SUMO2: variants seen among roughly 807,000 people sequenced by gnomAD.
SUMO2 encodes small ubiquitin like modifier 2.
Under a neutral mutation model 16.0 loss-of-function variants are expected in SUMO2, and 1 was observed. The ratio of observed to expected loss-of-function variants is 0.06; its 90% CI spans 0.02 to 0.30. The LOEUF (loss-of-function observed/expected upper bound fraction) is 0.30, where lower values mean the gene tolerates loss of function less well. SUMO2 is among the 10% of genes least tolerant of loss of function. The probability of loss-of-function intolerance (pLI) is 1.00; values close to 1 mark genes in which losing one functional copy is unlikely to be tolerated. For synonymous variants in SUMO2, 36 were observed against 40.6 expected (o/e 0.89, Z 0.43); for missense variants, 16 against 117.5 (o/e 0.14, Z 3.99).
chr17:75,175,034 T>C (rs2074771059), intron 2 of SUMO2, among the ~76,000 whole-genome samples: 1 of 152,180 alleles, frequency 6.6e-6, no homozygotes, highest in South Asian at 2.1e-4. Flanking sequence ...AAGGCTGAAG[T>C]GCAGTGGCGT....
At chr17:75,179,878 G>A (rs1193164023) in intron 2 of SUMO2, among the ~76,000 whole-genome samples, 2 of 151,984 alleles carry the variant, frequency 1.3e-5, no homozygotes, top group African/African-American at 2.4e-5. Context: ...CCAGGCTGAT[G>A]TCAACTGCCA....
rs1419011228 is a variant in SUMO2, at chr17:75,168,216, G to A, written c.*123C>T. On this transcript the variant is annotated 3_prime_UTR_variant, in exon 4 of 4. Transcript: ENST00000420826. ...AGGAATGGGGAAGGGGGAAATGAAA[G>A]AATAGAGAAAACTATACGGTAGTAG... 2 of 694,906 alleles carry A rather than the reference G, an allele frequency of 2.9e-6. No homozygotes were observed. Among genetic ancestry groups the A allele is most frequent in the African/African-American group, 1.9e-5 (1 of 53,722 alleles). The allele number at this position is 694,906 out of a possible 1,614,324, so 43.0% of individuals were successfully genotyped here.
intron 2 of SUMO2, among the ~76,000 whole-genome samples, chr17:75,180,407 A>AC (rs2074818562): frequency 1.4e-5 from 2 of 145,142 alleles, no homozygotes; most frequent in East Asian, 2.0e-4. Context: ...AAAAAAAAAA[A>AC]AAAAAAAAAA....
chr17:75,171,449 G>A (rs1459528890), intron 3 of SUMO2, among the ~76,000 whole-genome samples: 1 of 151,844 alleles, frequency 6.6e-6, no homozygotes, highest in Non-Finnish European at 1.5e-5. Flanking sequence ...AGGAAGCAGA[G>A]GTTGCAGTGA....
chr17:75,172,652 T>C (rs1274448387), intron 3 of SUMO2, among the ~76,000 whole-genome samples: 1 of 151,962 alleles, frequency 6.6e-6, no homozygotes, highest in Admixed American at 6.6e-5. Context: ...ATTTTGTATT[T>C]TTAGTAGAGA....
intron 2 of SUMO2, among the ~76,000 whole-genome samples, chr17:75,176,091 A>C (rs2074780562): frequency 6.6e-6 from 1 of 151,526 alleles, no homozygotes. Flanking sequence ...CCCAGGCTGG[A>C]GTGAGTGGAA....
rs1471955139 is a variant in SUMO2 at position 75,180,952 on chromosome 17, C to G, written c.153+105G>C. Reference sequence around the variant, plus strand: ...CTGACGTGCCAAGTGCATATTCATCCCATCAAAAAGTCACTGTAATGTGCT... The same window carrying G: ...CTGACGTGCCAAGTGCATATTCATCGCATCAAAAAGTCACTGTAATGTGCT... On this transcript the variant is annotated intron_variant, in intron 2 of 3. Transcript: ENST00000420826. The G allele has an allele frequency of 3.7e-6, 5 of 1,341,092 alleles. No individual in the cohort carries two copies. In the Admixed American group the frequency reaches 6.1e-5, roughly 16 times the overall value. 83.1% of individuals were successfully genotyped at this position (1,341,092 alleles called of 1,614,324 possible). A position where few individuals can be genotyped will look rare whatever the true frequency, so the allele number is the denominator to read the frequency against.
intron 1 of SUMO2, among the ~76,000 whole-genome samples, chr17:75,181,838 T>A (rs1005620523): frequency 6.6e-6 from 1 of 151,816 alleles, no homozygotes; most frequent in African/African-American, 2.4e-5. Context: ...CCTCCCCCCC[T>A]TTGTTGTCAT....
At chr17:75,173,925 T>C (rs535521187) in intron 3 of SUMO2, among the ~76,000 whole-genome samples, 1 of 152,298 alleles carries the variant, frequency 6.6e-6, no homozygotes, top group African/African-American at 2.4e-5. Flanking sequence ...CATAAAGAGT[T>C]AAAGGATCAG....
rs919006200 is a variant in SUMO2 at position 75,179,338 on chromosome 17, G to C, written c.153+1719C>G. On this transcript the variant is annotated intron_variant, in intron 2 of 3. Coordinates refer to ENST00000420826, the MANE Select transcript of SUMO2 (RefSeq NM_006937.4). ...GAGGTCAGGAGCTCAAGACCAGTCT[G>C]ACCAATATGGTGAAACCCCATCTTG... Among the ~76,000 whole-genome samples the C allele has an allele frequency of 3.9e-5, 6 of 152,146 alleles. No homozygotes were observed. The South Asian group carries it at 6.2e-4, about 16-fold the overall frequency.
At chr17:75,174,626 C>T in intron 3 of SUMO2, 126 bp downstream of exon 3, 1 of 741,252 alleles carries the variant, frequency 1.3e-6, no homozygotes, top group Non-Finnish European at 2.2e-6. Context: ...CCCCTCTGGT[C>T]ATACTTCCCA....
chr17:75,177,171 CAAAAA>C lies in SUMO2; in HGVS notation c.154-2353_154-2349del, dbSNP rs55817377. 4.6e-3 allele frequency among the ~76,000 whole-genome samples: 512 copies of C among 111,644 alleles called. 2 individuals carry two copies. Among genetic ancestry groups the C allele is most frequent in the African/African-American group, 0.015 (482 of 32,546 alleles). 73.2% of individuals were successfully genotyped at this position (111,644 alleles called of 152,430 possible). A position where few individuals can be genotyped will look rare whatever the true frequency, so the allele number is the denominator to read the frequency against. On this transcript the variant is annotated intron_variant, in intron 2 of 3. Coordinates refer to ENST00000420826, the MANE Select transcript of SUMO2 (RefSeq NM_006937.4). ...CATTGCAAGAGCGAGACTCTTGTCT[CAAAAA>C]AAAAAAAAAATTAATTAATTAAATA...
At chr17:75,174,511 AAC>A (rs1399713227) in intron 3 of SUMO2, among the ~76,000 whole-genome samples, 2 of 152,258 alleles carry the variant, frequency 1.3e-5, no homozygotes, top group Non-Finnish European at 2.9e-5. Context: ...CAACCCGGGC[AAC>A]AGAGAGGCCC....
At chr17:75,180,051 T>A (rs1375148575) in intron 2 of SUMO2, among the ~76,000 whole-genome samples, 1 of 152,012 alleles carries the variant, frequency 6.6e-6, no homozygotes, top group Non-Finnish European at 1.5e-5. Context: ...TTTAGAACAA[T>A]CTGAAGGGGC....
rs2074694186 is a variant in SUMO2 at position 75,166,499 on chromosome 17, T to G, written c.*1840A>C. The G allele has an allele frequency of 6.8e-6, 1 of 146,144 alleles. No homozygotes were observed. Among genetic ancestry groups the G allele is most frequent in the African/African-American group, 2.5e-5 (1 of 39,344 alleles). 9.1% of individuals were successfully genotyped at this position (146,144 alleles called of 1,614,324 possible). ...TCAAAAATAAACATTTTTAAAAAATTAAAAAGGGGCTGGGCATAGTGGCTC... is the reference window on the plus strand; with the variant it reads ...TCAAAAATAAACATTTTTAAAAAATGAAAAAGGGGCTGGGCATAGTGGCTC... On this transcript the variant is annotated 3_prime_UTR_variant, in exon 4 of 4. Transcript: ENST00000420826.
At chr17:75,176,275 T>A (rs532739862) in intron 2 of SUMO2, among the ~76,000 whole-genome samples, 3 of 152,162 alleles carry the variant, frequency 2.0e-5, no homozygotes, top group South Asian at 2.1e-4. Context: ...CCTGACCTCG[T>A]GATCCGCCTG....
chr17:75,182,255 C>T (rs2074834912), intron 1 of SUMO2: 1 of 152,364 alleles, frequency 6.6e-6, no homozygotes, highest in African/African-American at 2.4e-5. Flanking sequence ...CCCCCTACCC[C>T]CAGGCCCAGG....
Position 75,173,176 on chromosome 17 carries a change from A to G in SUMO2, c.225+1576T>C, listed in dbSNP as rs141994247. On this transcript the variant is annotated intron_variant, in intron 3 of 3. Coordinates refer to ENST00000420826, the MANE Select transcript of SUMO2 (RefSeq NM_006937.4). ...ATGTTTCAGAAACTGTAAGTCTTCT[A>G]TTTTTGAGACAGAGTTTTGCTCTAT... is the stretch of plus-strand genomic sequence containing the variant. Among the ~76,000 whole-genome samples the G allele has an allele frequency of 4.3e-3, 655 of 152,226 alleles. 3 individuals carry two copies. The highest frequency in any genetic ancestry group is 0.015 in the African/African-American group (627 of 41,560).
chr17:75,174,670 T>C (rs2074767890), intron 3 of SUMO2, 82 bp downstream of exon 3: 5 of 1,294,998 alleles, frequency 3.9e-6, no homozygotes, highest in East Asian at 2.5e-5. Flanking sequence ...TATACTCCAG[T>C]GTCTAAACGT....
Sources: gnomAD v4.1 joint callset for allele counts (sites outside exome capture counted in the v4.1 genomes callset) on GRCh38, gnomAD v4.1.1 for gene constraint, MANE v1.5 for transcripts, NCBI Gene and HGNC (gene_info 2026-07-23, HGNC 2026-07-21) for gene names.